The following COL22A1 variants were observed in gnomAD, a reference collection of about 807,000 sequenced individuals.
The protein encoded by COL22A1 is collagen type XXII alpha 1 chain, also known as collagen alpha-1(XXII) chain.
A neutral mutation model predicts 248.9 loss-of-function variants in COL22A1; 221 were observed. The ratio of observed to expected loss-of-function variants is 0.89; its 90% confidence interval spans 0.80 to 0.99. The LOEUF (loss-of-function observed/expected upper bound fraction) is 0.99. COL22A1 is among the 50% of genes least tolerant of loss of function. The probability of loss-of-function intolerance (pLI) is 0.00; values close to 1 mark genes in which losing one functional copy is unlikely to be tolerated. For missense variants in COL22A1, 2,240 were observed against 2,179.0 expected, an observed-to-expected ratio of 1.03 and a Z score of -0.56; for synonymous variants, 891 against 793.4, an observed-to-expected ratio of 1.12 and a Z score of -2.07.
At chr8:138,704,137 T>G (rs1386359781) in intron 30 of COL22A1, among the ~76,000 whole-genome samples, 1 of 152,178 alleles carries the variant, frequency 6.6e-6, no homozygotes, top group Non-Finnish European at 1.5e-5. Context: ...AGGCTCGAAC[T>G]GGGTGGAGCC....
chr8:138,726,215 G>A (rs1280276228), intron 23 of COL22A1, among the ~76,000 whole-genome samples: 1 of 152,002 alleles, frequency 6.6e-6, no homozygotes, highest in East Asian at 1.9e-4. Flanking sequence ...AAAAGGGCTG[G>A]GCATGGTGGC....
intron 22 of COL22A1, among the ~76,000 whole-genome samples, chr8:138,750,346 C>G (rs889508729): frequency 1.3e-5 from 2 of 152,140 alleles, no homozygotes; most frequent in Non-Finnish European, 2.9e-5. Flanking sequence ...TTTGAGAATT[C>G]AAAAGGGTTA....
chr8:138,689,264 G>A (rs1042435290), intron 36 of COL22A1, among the ~76,000 whole-genome samples: 5 of 152,106 alleles, frequency 3.3e-5, no homozygotes, highest in Non-Finnish European at 7.3e-5. Context: ...ATCAGAAGGC[G>A]TGGCCTGGCA....
intron 5 of COL22A1, among the ~76,000 whole-genome samples, chr8:138,828,523 C>T (rs1167933651): frequency 2.0e-5 from 3 of 152,180 alleles, no homozygotes; most frequent in Non-Finnish European, 2.9e-5. Flanking sequence ...AAAGCACTTA[C>T]ACTTAGGATC....
intron 3 of COL22A1, among the ~76,000 whole-genome samples, chr8:138,853,568 G>T (rs1304043265): frequency 6.6e-6 from 1 of 152,074 alleles, no homozygotes; most frequent in Admixed American, 6.5e-5. Flanking sequence ...TTCAAAGTTG[G>T]GGTGCCATGA....
rs140248546 is a variant in COL22A1 at position 138,771,067 on chromosome 8, G to A, written c.1803+4899C>T. ...TAATTCTGCACAGGTCACACTGCTC[G>A]CAGAGCCCCGAGCTGGGATTCAAGG... On this transcript the variant is annotated intron_variant, in intron 16 of 64. Coordinates refer to ENST00000303045, the MANE Select transcript of COL22A1 (RefSeq NM_152888.3). Among the ~76,000 whole-genome samples the A allele has an allele frequency of 5.9e-4, 90 of 152,288 alleles. 2 individuals carry two copies. The highest frequency in any genetic ancestry group is 2.2e-3 in the Admixed American group (33 of 15,304).
chr8:138,651,777 A>G (rs1822760621), intron 45 of COL22A1, among the ~76,000 whole-genome samples: 1 of 152,146 alleles, frequency 6.6e-6, no homozygotes, highest in Non-Finnish European at 1.5e-5. Context: ...TGATGACACC[A>G]AAAATTCTAG....
At chr8:138,821,576 C>T (rs1368860477) in intron 6 of COL22A1, among the ~76,000 whole-genome samples, 165 bp from the exon 7 acceptor site, 1 of 152,200 alleles carries the variant, frequency 6.6e-6, no homozygotes, top group Non-Finnish European at 1.5e-5. Flanking sequence ...AATTCCGTCA[C>T]ACCTCTGAGA....
Position 138,716,875 on chromosome 8 carries a change from A to C in COL22A1, c.2356-6T>G. 1 of 1,607,756 alleles carries C rather than the reference A, an allele frequency of 6.2e-7. No homozygotes were observed. Among genetic ancestry groups the C allele is most frequent in the Non-Finnish European group, 8.5e-7 (1 of 1,174,152 alleles). On this transcript the variant is annotated splice_region_variant and splice_polypyrimidine_tract_variant and intron_variant, in intron 27 of 64. Coordinates refer to ENST00000303045, the MANE Select transcript of COL22A1 (RefSeq NM_152888.3). ...CCCTGCTCCCCAATTTCTCCCTGAA[A>C]ATGCAATAAAACATACCCCATTATT...
Position 138,724,624 on chromosome 8 carries a change from A to G in COL22A1, c.2238T>C (p.Pro746=), listed in dbSNP as rs761287256. ...EIGFPGKPGP[P]GPTGPPGKDG... is the part of the protein sequence containing the mutation. ...GTTTCCGAACACTCACCGTGGGCCC[A>G]GGAGGTCCAGGCTTTCCCGGGAAGC... is the stretch of plus-strand genomic sequence containing the variant. The change falls in exon 25 of 65, where the codon CCT becomes CCC. Residue 746 remains proline, a synonymous_variant. Transcript: ENST00000303045. 9 of 1,614,028 alleles carry G rather than the reference A, an allele frequency of 5.6e-6. No individual in the cohort carries two copies. Among genetic ancestry groups the G allele is most frequent in the Non-Finnish European group, 7.6e-6 (9 of 1,180,002 alleles).
chr8:138,722,866 G>GGGGGA (rs1434606361), intron 25 of COL22A1, among the ~76,000 whole-genome samples: 7 of 77,488 alleles, frequency 9.0e-5, no homozygotes, highest in South Asian at 5.6e-4. Flanking sequence ...GGGGGTGGTG[G>GGGGGA]AAAACACACC....
intron 41 of COL22A1, among the ~76,000 whole-genome samples, chr8:138,664,003 G>A (rs1488132989): frequency 6.6e-6 from 1 of 151,562 alleles, no homozygotes; most frequent in African/African-American, 2.4e-5. Flanking sequence ...CTGACACCTG[G>A]GCCCAACTCT....
At chr8:138,751,634 G>T in intron 21 of COL22A1, 123 bp from the exon 22 acceptor site, 1 of 557,762 alleles carries the variant, frequency 1.8e-6, no homozygotes, top group Non-Finnish European at 3.1e-6. Flanking sequence ...CCATTCTGAT[G>T]GGGAAATTCG....
chr8:138,645,512 G>T (rs569754150), intron 47 of COL22A1, among the ~76,000 whole-genome samples: 1 of 152,272 alleles, frequency 6.6e-6, no homozygotes, highest in East Asian at 1.9e-4. Flanking sequence ...CAACCAAGGA[G>T]ACAACAACTG....
At position 138,613,925 on chromosome 8, in the gene COL22A1, A is replaced by T; in HGVS notation, c.3925-5T>A. The T allele has an allele frequency of 6.2e-7, 1 of 1,608,112 alleles. No individual in the cohort carries two copies. The highest frequency in any genetic ancestry group is 8.5e-7 in the Non-Finnish European group (1 of 1,174,494). ...CCCAGTGGGTCCAGTGTCACCCTGG[A>T]ACAAAGACAGAGAGATGGTGTCATC... On this transcript the variant is annotated splice_polypyrimidine_tract_variant and splice_region_variant and intron_variant, in intron 55 of 64. Transcript: ENST00000303045.
intron 3 of COL22A1, 76 bp from the exon 4 acceptor site, chr8:138,844,234 C>A: frequency 1.5e-6 from 2 of 1,334,792 alleles, no homozygotes; most frequent in South Asian, 1.2e-5. Context: ...TGACAGCACA[C>A]AAGACCCCAC....
intron 3 of COL22A1, among the ~76,000 whole-genome samples, chr8:138,847,228 G>T (rs765144726): frequency 1.4e-4 from 21 of 152,170 alleles, no homozygotes; most frequent in Non-Finnish European, 1.5e-4. Flanking sequence ...CAGGCCTTCA[G>T]CTGTTGAGCA....
chr8:138,896,211 G>A (rs1262556818), intron 1 of COL22A1, among the ~76,000 whole-genome samples: 2 of 152,120 alleles, frequency 1.3e-5, no homozygotes, highest in East Asian at 1.9e-4. Context: ...ATAAAAATAA[G>A]GGCATATATA....
chr8:138,657,789 G>C (rs549423076), intron 44 of COL22A1, among the ~76,000 whole-genome samples: 2 of 152,168 alleles, frequency 1.3e-5, no homozygotes, highest in African/African-American at 4.8e-5. Flanking sequence ...CCCCATTCTC[G>C]GTGCATCCTC....
Sources: allele counts gnomAD v4.1 joint callset (sites outside exome capture counted in the v4.1 genomes callset), GRCh38; gene constraint gnomAD v4.1.1; transcripts MANE v1.5; gene names NCBI Gene and HGNC (gene_info 2026-07-23, HGNC 2026-07-21).